ERC2: variants seen among roughly 807,000 people sequenced by gnomAD.
ERC2 encodes ELKS/RAB6-interacting/CAST family member 2.
In ERC2, 42 loss-of-function variants were observed where a neutral mutation model predicts 114.8. The ratio of observed to expected loss-of-function variants is 0.37; its 90% CI spans 0.29 to 0.47. The LOEUF is 0.47. Among genes scored for constraint, ERC2 ranks in the 20% least tolerant of loss-of-function variants. The pLI, the probability that ERC2 is intolerant of heterozygous loss-of-function variation, is 0.99. For missense variants in ERC2, 939 were observed against 1,150.7 expected (o/e 0.82, Z 2.66); for synonymous variants, 454 against 425.5 (o/e 1.07, Z -0.82).
intron 13 of ERC2, among the ~76,000 whole-genome samples, chr3:55,939,319 T>C (rs1056062997): frequency 1.3e-5 from 2 of 152,236 alleles, no homozygotes; most frequent in Non-Finnish European, 2.9e-5. Context: ...TCAGTAAGAA[T>C]TGCCTAAATC....
intron 14 of ERC2, among the ~76,000 whole-genome samples, chr3:55,796,954 G>T (rs2070559348): frequency 6.6e-6 from 1 of 152,162 alleles, no homozygotes; most frequent in African/African-American, 2.4e-5. Flanking sequence ...ATATGTGAGA[G>T]CAAGTAACAG....
intron 14 of ERC2, among the ~76,000 whole-genome samples, chr3:55,815,166 A>G (rs368355261): frequency 3.3e-5 from 5 of 152,194 alleles, no homozygotes; most frequent in South Asian, 2.1e-4. Flanking sequence ...AATAACTTCA[A>G]TTAGGGTTCA....
chr3:55,842,545 T>C (rs1424846011), intron 14 of ERC2, among the ~76,000 whole-genome samples: 2 of 152,174 alleles, frequency 1.3e-5, no homozygotes, highest in Non-Finnish European at 2.9e-5. Context: ...GACTGATAAC[T>C]ATTATTTCCC....
intron 2 of ERC2, among the ~76,000 whole-genome samples, chr3:56,381,109 A>G (rs2059732012): frequency 6.6e-6 from 1 of 152,226 alleles, no homozygotes. Context: ...TTATGCCAAG[A>G]AAAACCTTAT....
rs539121613 is a variant in ERC2, at chr3:55,541,178, T to C, written c.*40-29902A>G. Among the ~76,000 whole-genome samples the C allele has an allele frequency of 4.7e-4, 71 of 152,290 alleles. 1 individual carries two copies. In the South Asian group the frequency reaches 5.8e-3, roughly 12 times the overall value. On this transcript the variant is annotated intron_variant, in intron 17 of 17. Transcript: ENST00000288221. ...ATCAAGCCGTGAAGTCATCAAGTCT[T>C]GAAAAACATCAACCTCCCAGACCAC...
At chr3:55,700,950 C>G (rs1576205226) in intron 15 of ERC2, among the ~76,000 whole-genome samples, 3 of 152,214 alleles carry the variant, frequency 2.0e-5, no homozygotes, top group South Asian at 2.1e-4. Context: ...ATCCTAGAGA[C>G]AAGCTACATG....
At chr3:55,908,831 G>A (rs1341048357) in intron 13 of ERC2, among the ~76,000 whole-genome samples, 4 of 152,150 alleles carry the variant, frequency 2.6e-5, no homozygotes, top group African/African-American at 9.7e-5. Context: ...GAAGAAAAGG[G>A]TCACGTGCCT....
At chr3:56,362,592 C>G (rs2059000284) in intron 2 of ERC2, among the ~76,000 whole-genome samples, 1 of 152,228 alleles carries the variant, frequency 6.6e-6, no homozygotes, top group South Asian at 2.1e-4. Context: ...GGATGGATGG[C>G]CCCTTTCAGC....
intron 17 of ERC2, among the ~76,000 whole-genome samples, chr3:55,548,923 T>C (rs1218414763): frequency 2.0e-5 from 3 of 152,182 alleles, no homozygotes; most frequent in East Asian, 1.9e-4. Context: ...ATCCTTCATT[T>C]CTCAAAAGAG....
intron 14 of ERC2, among the ~76,000 whole-genome samples, chr3:55,770,513 T>C (rs2068114564): frequency 6.6e-6 from 1 of 152,222 alleles, no homozygotes; most frequent in African/African-American, 2.4e-5. Flanking sequence ...CCCCCTTTGA[T>C]GGGCAGATGC....
chr3:56,217,146 C>T (rs969498025), intron 3 of ERC2, among the ~76,000 whole-genome samples: 4 of 152,116 alleles, frequency 2.6e-5, no homozygotes, highest in Non-Finnish European at 5.9e-5. Context: ...CCAGGGCAAT[C>T]AGTCAGGAGA....
chr3:56,326,496 T>C (rs1003048591), intron 2 of ERC2, among the ~76,000 whole-genome samples: 1 of 152,226 alleles, frequency 6.6e-6, no homozygotes, highest in Non-Finnish European at 1.5e-5. Context: ...ATGGTGTTCA[T>C]GTCCAACAGA....
At chr3:55,867,402 G>A (rs995218780) in intron 14 of ERC2, among the ~76,000 whole-genome samples, 3 of 152,140 alleles carry the variant, frequency 2.0e-5, no homozygotes, top group African/African-American at 7.2e-5. Flanking sequence ...CTTTCCATGA[G>A]TTCTGAATCT....
intron 7 of ERC2, among the ~76,000 whole-genome samples, chr3:56,073,460 C>A (rs536561394): frequency 6.6e-6 from 1 of 152,270 alleles, no homozygotes; most frequent in Admixed American, 6.5e-5. Flanking sequence ...CAAATGTTCC[C>A]AGGGGAGTAG....
chr3:55,969,806 TG>T (rs2149483160), intron 12 of ERC2, among the ~76,000 whole-genome samples: 1 of 152,332 alleles, frequency 6.6e-6, no homozygotes, highest in East Asian at 1.9e-4. Flanking sequence ...TTTATTAGCT[TG>T]GCTAACAACT....
chr3:55,919,278 C>G (rs1216283431), intron 13 of ERC2, among the ~76,000 whole-genome samples: 1 of 152,122 alleles, frequency 6.6e-6, no homozygotes, highest in Non-Finnish European at 1.5e-5. Flanking sequence ...ACTTGGAAGA[C>G]TGAAGTGAGA....
At chr3:55,682,183 T>C (rs2062089020) in intron 17 of ERC2, among the ~76,000 whole-genome samples, 1 of 152,220 alleles carries the variant, frequency 6.6e-6, no homozygotes, top group Non-Finnish European at 1.5e-5. Flanking sequence ...AAATGTGACA[T>C]TTCTCTTAAT....
At chr3:55,705,265 T>G (rs1375588312) in intron 15 of ERC2, among the ~76,000 whole-genome samples, 1 of 152,104 alleles carries the variant, frequency 6.6e-6, no homozygotes, top group Non-Finnish European at 1.5e-5. Context: ...AGTTAAGATT[T>G]GAAAGTTGGC....
intron 7 of ERC2, among the ~76,000 whole-genome samples, chr3:56,044,419 G>A (rs1207297972): frequency 6.6e-6 from 1 of 151,838 alleles, no homozygotes; most frequent in Non-Finnish European, 1.5e-5. Context: ...ACTTTTTTAA[G>A]AGATTATGTA....
Sources: allele counts gnomAD v4.1 joint callset (sites outside exome capture counted in the v4.1 genomes callset), GRCh38; gene constraint gnomAD v4.1.1; transcripts MANE v1.5; gene names NCBI Gene and HGNC (gene_info 2026-07-23, HGNC 2026-07-21).